KCNMA1: variants seen among roughly 807,000 people sequenced by gnomAD.
KCNMA1 encodes potassium calcium-activated channel subfamily M alpha 1, also known as Calcium-activated potassium channel subunit alpha-1.
Under a neutral mutation model 140.0 loss-of-function variants are expected in KCNMA1, and 29 were observed. The ratio of observed to expected loss-of-function variants is 0.21; its 90% CI spans 0.15 to 0.28. KCNMA1 has a LOEUF of 0.28. Ranked by LOEUF, KCNMA1 falls within the 10% of genes least tolerant of loss-of-function variation. The pLI, the probability that KCNMA1 is intolerant of heterozygous loss-of-function variation, is 1.00. For missense variants in KCNMA1, 880 were observed against 1,602.2 expected (o/e 0.55, Z 7.70); for synonymous variants, 612 against 611.9 (o/e 1.00, Z 0.00).
rs533223603 is a variant in KCNMA1, at chr10:77,079,623, T to C, written c.1524-73A>G. The C allele has an allele frequency of 1.4e-4, 149 of 1,035,366 alleles. No individual in the cohort carries two copies. In the South Asian group the frequency reaches 1.8e-3, roughly 13 times the overall value. The allele number at this position is 1,035,366 out of a possible 1,614,324, so 64.1% of individuals were successfully genotyped here. ...TGTCTGACAAAAAGATCAATTTTAC[T>C]GTCTCCAAATGGGGTACCCATGGGA... On this transcript the variant is annotated intron_variant, in intron 12 of 27. Coordinates refer to ENST00000286628, the MANE Select transcript of KCNMA1 (RefSeq NM_001161352.2).
At chr10:77,122,748 C>G (rs949019014) in intron 5 of KCNMA1, among the ~76,000 whole-genome samples, 1 of 152,108 alleles carries the variant, frequency 6.6e-6, no homozygotes, top group Non-Finnish European at 1.5e-5. Context: ...AATGAAGGAT[C>G]AGTTCTTAGA....
Position 77,316,262 on chromosome 10 carries a change from C to A in KCNMA1, c.541-65006G>T, listed in dbSNP as rs563000158. On this transcript the variant is annotated intron_variant, in intron 2 of 27. Coordinates refer to ENST00000286628, the MANE Select transcript of KCNMA1 (RefSeq NM_001161352.2). ...AGGAGCCCTGCTGGGCAGCAGGGAACCTGTGCCAATCTCAGTCTTCCTAAA... is the reference window on the plus strand; with the variant it reads ...AGGAGCCCTGCTGGGCAGCAGGGAAACTGTGCCAATCTCAGTCTTCCTAAA... 1.8e-4 allele frequency among the ~76,000 whole-genome samples: 27 copies of A among 152,248 alleles called. No individual in the cohort carries two copies. The South Asian group carries it at 5.4e-3, about 30-fold the overall frequency.
intron 1 of KCNMA1, among the ~76,000 whole-genome samples, chr10:77,531,503 G>C (rs1193314222): frequency 2.0e-5 from 3 of 152,148 alleles, no homozygotes; most frequent in Non-Finnish European, 4.4e-5. Context: ...GGTTCAAGCT[G>C]TCCCAGTTCA....
In KCNMA1 at chr10:77,110,359, CA is replaced by C; in HGVS notation, c.961-17del. The C allele has an allele frequency of 6.2e-7, 1 of 1,610,780 alleles. No individual in the cohort carries two copies. The highest frequency in any genetic ancestry group is 8.5e-7 in the Non-Finnish European group (1 of 1,177,044). ...AATTCTCCACCTAAAGCAAATGGGA[CA>C]GGGGAGAAAAAAGAAAAACATGCTA... On this transcript the variant is annotated splice_polypyrimidine_tract_variant and intron_variant, in intron 7 of 27. Coordinates refer to ENST00000286628, the MANE Select transcript of KCNMA1 (RefSeq NM_001161352.2).
intron 2 of KCNMA1, among the ~76,000 whole-genome samples, chr10:77,306,887 A>G (rs1260024789): frequency 6.6e-6 from 1 of 152,238 alleles, no homozygotes; most frequent in East Asian, 1.9e-4. Context: ...AATGGTGATC[A>G]CTGACCTACT....
chr10:76,941,104 G>GA (rs2062097360), intron 23 of KCNMA1, among the ~76,000 whole-genome samples: 1 of 68,496 alleles, frequency 1.5e-5, no homozygotes, highest in Non-Finnish European at 2.9e-5. Flanking sequence ...AGAAAGAAGG[G>GA]AGGGAGGGAG....
intron 1 of KCNMA1, among the ~76,000 whole-genome samples, chr10:77,543,043 TTC>T (rs910932523): frequency 6.9e-6 from 1 of 143,954 alleles, no homozygotes; most frequent in Non-Finnish European, 1.6e-5. Flanking sequence ...CTCTCTCTCT[TTC>T]TCTCTCTCTC....
chr10:76,949,597 A>G (rs1346451766), intron 21 of KCNMA1: 1 of 571,822 alleles, frequency 1.7e-6, no homozygotes, highest in African/African-American at 1.9e-5. Flanking sequence ...ATAGCCATAC[A>G]CATTGCTACC....
intron 2 of KCNMA1, among the ~76,000 whole-genome samples, chr10:77,382,909 C>T (rs1349259720): frequency 7.6e-6 from 1 of 132,316 alleles, no homozygotes; most frequent in Non-Finnish European, 1.6e-5. Flanking sequence ...TATATACACA[C>T]ACACACACAC....
At chr10:77,271,498 C>T (rs2065131720) in intron 2 of KCNMA1, among the ~76,000 whole-genome samples, 1 of 152,188 alleles carries the variant, frequency 6.6e-6, no homozygotes. Context: ...GAGCAGGTAA[C>T]TCTCAAGGCT....
At chr10:77,119,496 G>A (rs923971616) in intron 6 of KCNMA1, among the ~76,000 whole-genome samples, 7 of 152,106 alleles carry the variant, frequency 4.6e-5, no homozygotes, top group Admixed American at 1.3e-4. Flanking sequence ...GGGTACTCAC[G>A]CGTTCCATCT....
intron 5 of KCNMA1, among the ~76,000 whole-genome samples, chr10:77,140,993 C>A (rs1396265370): frequency 6.6e-6 from 1 of 150,946 alleles, no homozygotes; most frequent in Non-Finnish European, 1.5e-5. Context: ...TCCTGCTTAA[C>A]AACTGAGGAC....
At chr10:77,230,356 A>C (rs1369798098) in intron 3 of KCNMA1, among the ~76,000 whole-genome samples, 2 of 152,250 alleles carry the variant, frequency 1.3e-5, no homozygotes, top group African/African-American at 4.8e-5. Flanking sequence ...TGTCTTGACT[A>C]AATAGAAGTG....
At chr10:77,408,450 G>A (rs953812264) in intron 1 of KCNMA1, among the ~76,000 whole-genome samples, 1 of 151,666 alleles carries the variant, frequency 6.6e-6, no homozygotes, top group African/African-American at 2.4e-5. Flanking sequence ...GTGTGTGCAT[G>A]TGTGTGTGCG....
chr10:77,321,752 T>C (rs1341816978), intron 2 of KCNMA1, among the ~76,000 whole-genome samples: 5 of 152,166 alleles, frequency 3.3e-5, no homozygotes, highest in Non-Finnish European at 5.9e-5. Context: ...TGTGTTTTTC[T>C]TCTGAGACTC....
At chr10:77,344,098 C>T (rs1455194613) in intron 2 of KCNMA1, among the ~76,000 whole-genome samples, 4 of 152,220 alleles carry the variant, frequency 2.6e-5, no homozygotes, top group East Asian at 1.9e-4. Flanking sequence ...AAGTGATGCA[C>T]ATCCCTTAGT....
chr10:77,122,022 G>T (rs1264021400), intron 5 of KCNMA1, among the ~76,000 whole-genome samples: 1 of 152,208 alleles, frequency 6.6e-6, no homozygotes, highest in African/African-American at 2.4e-5. Context: ...CAAAGGCAGT[G>T]CGAAGCCCTC....
At chr10:77,037,497 G>T (rs539766711) in intron 15 of KCNMA1, among the ~76,000 whole-genome samples, 49 of 152,286 alleles carry the variant, frequency 3.2e-4, no homozygotes, top group Non-Finnish European at 6.3e-4. Flanking sequence ...AGCCTGTAGG[G>T]GGAGCAGTCC....
At chr10:77,401,824 C>T (rs561103457) in intron 2 of KCNMA1, among the ~76,000 whole-genome samples, 1 of 152,230 alleles carries the variant, frequency 6.6e-6, no homozygotes, top group South Asian at 2.1e-4. Context: ...TCTGATCAGC[C>T]CTACTTTCCC....
Sources: allele counts gnomAD v4.1 joint callset (sites outside exome capture counted in the v4.1 genomes callset), GRCh38; gene constraint gnomAD v4.1.1; transcripts MANE v1.5; gene names NCBI Gene and HGNC (gene_info 2026-07-23, HGNC 2026-07-21).